Variants in SREK1IP1 observed in about 807,000 individuals in gnomAD.
SREK1IP1 encodes SREK1 interacting protein 1, also known as protein SREK1IP1.
SREK1IP1 carries 12 observed loss-of-function variants against 22.8 expected under a neutral mutation model. The observed-to-expected ratio is 0.53, with a 90% confidence interval of 0.34 to 0.85. The LOEUF (loss-of-function observed/expected upper bound fraction) is 0.85, where lower values mean the gene tolerates loss of function less well. Among genes scored for constraint, SREK1IP1 ranks in the 40% least tolerant of loss-of-function variants. The pLI is 0.02. For synonymous variants in SREK1IP1, 53 were observed against 52.7 expected (o/e 1.01, Z -0.02); for missense variants, 147 against 171.8 (o/e 0.86, Z 0.81).
At chr5:64,756,397 T>C (rs922911965) in intron 1 of SREK1IP1, among the ~76,000 whole-genome samples, 3 of 152,210 alleles carry the variant, frequency 2.0e-5, no homozygotes, top group Non-Finnish European at 4.4e-5. Flanking sequence ...GTACTTCATA[T>C]ATAGGGAAAT....
chr5:64,766,200 TCTCTTA>T (rs1160520288), intron 1 of SREK1IP1, among the ~76,000 whole-genome samples: 2 of 152,206 alleles, frequency 1.3e-5, no homozygotes, highest in Non-Finnish European at 2.9e-5. Context: ...ACAAATTATA[TCTCTTA>T]CTATTAACTA....
Position 64,718,298 on chromosome 5 carries a change from T to C in SREK1IP1, c.*6086A>G. 2 of 273,716 alleles carry C rather than the reference T, an allele frequency of 7.3e-6. No individual in the cohort carries two copies. The highest frequency in any genetic ancestry group is 1.1e-4 in the Admixed American group (2 of 18,772). 17.0% of individuals were successfully genotyped at this position (273,716 alleles called of 1,614,324 possible). On this transcript the variant is annotated 3_prime_UTR_variant, in exon 5 of 5. Transcript: ENST00000513458. ...ATTAAATAATTTATCAATAACAAGA[T>C]AAGCAGTCCTATCTCAGTGAAGAAC...
intron 2 of SREK1IP1, among the ~76,000 whole-genome samples, chr5:64,745,372 C>G (rs978345797): frequency 4.1e-4 from 62 of 152,290 alleles, no homozygotes; most frequent in African/African-American, 1.4e-3. Context: ...AGGTGGATCA[C>G]TTGAGTCCAA....
intron 4 of SREK1IP1, among the ~76,000 whole-genome samples, chr5:64,725,690 C>T (rs1742249880): frequency 6.6e-6 from 1 of 152,042 alleles, no homozygotes; most frequent in South Asian, 2.1e-4. Flanking sequence ...CTTATTTTCT[C>T]ATGTATTCTC....
intron 2 of SREK1IP1, among the ~76,000 whole-genome samples, chr5:64,741,774 T>C (rs961567902): frequency 3.3e-5 from 5 of 152,268 alleles, no homozygotes; most frequent in Middle Eastern, 3.4e-3. Context: ...TCTACTTATG[T>C]ATATGTTTTA....
intron 4 of SREK1IP1, among the ~76,000 whole-genome samples, chr5:64,726,509 G>C (rs767235915): frequency 1.1e-4 from 16 of 150,750 alleles, no homozygotes; most frequent in Non-Finnish European, 2.2e-4. Context: ...CCGGGAGGCG[G>C]AGCTTGAAGT....
At chr5:64,725,861 CTTTTTTT>C (rs547845420) in intron 4 of SREK1IP1, among the ~76,000 whole-genome samples, 7 of 112,062 alleles carry the variant, frequency 6.2e-5, no homozygotes, top group Non-Finnish European at 9.4e-5. Flanking sequence ...TTGTTTGTTT[CTTTTTTT>C]TTTTTTTTTT....
intron 3 of SREK1IP1, among the ~76,000 whole-genome samples, chr5:64,738,533 A>G (rs936502931): frequency 7.5e-6 from 1 of 134,186 alleles, no homozygotes; most frequent in Non-Finnish European, 1.6e-5. Flanking sequence ...AGCCAAAGCA[A>G]TCTTAAGAAG....
rs188766939 is a variant in SREK1IP1, at chr5:64,720,108, A to G, written c.*4276T>C. 2.6e-5 allele frequency: 4 copies of G among 152,364 alleles called. No individual in the cohort carries two copies. The East Asian group carries it at 5.8e-4, about 22-fold the overall frequency. The allele number at this position is 152,364 out of a possible 1,614,324, so 9.4% of individuals were successfully genotyped here. On this transcript the variant is annotated 3_prime_UTR_variant, in exon 5 of 5. Transcript: ENST00000513458. The stretch of plus-strand genomic sequence containing the variant: ...AAAGCAAGGGGCCTTATTAAATTAC[A>G]GCACATTTTGTACACTGAAAAATAT...
chr5:64,762,847 T>C (rs1005794225), intron 1 of SREK1IP1, among the ~76,000 whole-genome samples: 4 of 150,620 alleles, frequency 2.7e-5, no homozygotes, highest in African/African-American at 7.3e-5. Context: ...AGGCCAGGAG[T>C]TCAAGACCAA....
intron 1 of SREK1IP1, among the ~76,000 whole-genome samples, chr5:64,757,941 C>T (rs939289063): frequency 7.4e-6 from 1 of 135,764 alleles, no homozygotes; most frequent in South Asian, 2.4e-4. Flanking sequence ...GTGATCTCAG[C>T]TCACTGCAAG....
chr5:64,746,990 TTA>T (rs540696839), intron 2 of SREK1IP1, among the ~76,000 whole-genome samples: 1 of 152,192 alleles, frequency 6.6e-6, no homozygotes, highest in Non-Finnish European at 1.5e-5. Flanking sequence ...TACCTGTTTA[TTA>T]TATAGCACGG....
At chr5:64,746,927 C>A (rs912667850) in intron 2 of SREK1IP1, among the ~76,000 whole-genome samples, 1 of 152,114 alleles carries the variant, frequency 6.6e-6, no homozygotes, top group African/African-American at 2.4e-5. Flanking sequence ...TTCTCAAATT[C>A]GAAAATTTGC....
intron 3 of SREK1IP1, among the ~76,000 whole-genome samples, chr5:64,740,000 A>G (rs1742527196): frequency 6.6e-6 from 1 of 152,162 alleles, no homozygotes; most frequent in Non-Finnish European, 1.5e-5. Flanking sequence ...ATTATATTCA[A>G]ATAAGTTATA....
chr5:64,720,143 T>C lies in SREK1IP1; in HGVS notation c.*4241A>G, dbSNP rs959542334. Reference sequence around the variant, plus strand: ...GTACACTGAAAAATATTCTAAATGGTTTATTCGGACCTAACAAATATTAAA... The same window carrying C: ...GTACACTGAAAAATATTCTAAATGGCTTATTCGGACCTAACAAATATTAAA... On this transcript the variant is annotated 3_prime_UTR_variant, in exon 5 of 5. Transcript: ENST00000513458. 1.3e-5 allele frequency: 2 copies of C among 152,192 alleles called. No individual in the cohort carries two copies. The highest frequency in any genetic ancestry group is 2.9e-5 in the Non-Finnish European group (2 of 68,024). The allele number at this position is 152,192 out of a possible 1,614,324, so 9.4% of individuals were successfully genotyped here. A position where few individuals can be genotyped will look rare whatever the true frequency, so the allele number is the denominator to read the frequency against.
In SREK1IP1 at chr5:64,719,637, A is replaced by G. The variant is rs1382704326; in HGVS notation, c.*4747T>C. On this transcript the variant is annotated 3_prime_UTR_variant, in exon 5 of 5. Transcript: ENST00000513458. ...CTACTTTTGTTGCTCATGGCCAAGG[A>G]CTATAAATGGCACAAGAAGCAAGAA... The G allele has an allele frequency of 6.6e-6, 1 of 152,190 alleles. No individual in the cohort carries two copies. Among genetic ancestry groups the G allele is most frequent in the Non-Finnish European group, 1.5e-5 (1 of 68,032 alleles). 9.4% of individuals were successfully genotyped at this position (152,190 alleles called of 1,614,324 possible). A position where few individuals can be genotyped will look rare whatever the true frequency, so the allele number is the denominator to read the frequency against.
At chr5:64,765,756 G>C (rs1399558630) in intron 1 of SREK1IP1, among the ~76,000 whole-genome samples, 1 of 152,190 alleles carries the variant, frequency 6.6e-6, no homozygotes, top group Admixed American at 6.5e-5. Flanking sequence ...AAGTTTAAGA[G>C]AATTTTAATG....
At chr5:64,734,596 T>C (rs1742428376) in intron 3 of SREK1IP1, among the ~76,000 whole-genome samples, 1 of 152,162 alleles carries the variant, frequency 6.6e-6, no homozygotes, top group East Asian at 1.9e-4. Context: ...TTAATGTCCC[T>C]CAACAATATT....
chr5:64,746,770 A>G (rs1180569165), intron 2 of SREK1IP1, among the ~76,000 whole-genome samples: 1 of 152,124 alleles, frequency 6.6e-6, no homozygotes, highest in Non-Finnish European at 1.5e-5. Flanking sequence ...CAACAATTCA[A>G]TTCAATTCTG....
Sources: gnomAD v4.1 joint callset for allele counts (sites outside exome capture counted in the v4.1 genomes callset) on GRCh38, gnomAD v4.1.1 for gene constraint, MANE v1.5 for transcripts, NCBI Gene and HGNC (gene_info 2026-07-23, HGNC 2026-07-21) for gene names.